CDH18: variants seen among roughly 807,000 people sequenced by gnomAD.
CDH18 encodes cadherin 18.
In CDH18, 31 loss-of-function variants were observed where a neutral mutation model predicts 67.9. The ratio of observed to expected loss-of-function variants is 0.46; its 90% CI spans 0.34 to 0.62. The LOEUF (loss-of-function observed/expected upper bound fraction) is 0.62. Ranked by LOEUF, CDH18 falls within the 20% of genes least tolerant of loss-of-function variation. The probability of loss-of-function intolerance (pLI) is 0.01; values close to 1 mark genes in which losing one functional copy is unlikely to be tolerated. For synonymous variants in CDH18, 362 were observed against 347.2 expected, an observed-to-expected ratio of 1.04 and a Z score of -0.48; for missense variants, 890 against 975.5, an observed-to-expected ratio of 0.91 and a Z score of 1.17.
At chr5:19,481,748 C>T (rs1330922244) in intron 12 of CDH18, among the ~76,000 whole-genome samples, 1 of 152,116 alleles carries the variant, frequency 6.6e-6, no homozygotes, top group African/African-American at 2.4e-5. Context: ...TCTTCAACCC[C>T]AGGAACAAAA....
At chr5:20,416,020 G>T (rs79887808) in intron 1 of CDH18, among the ~76,000 whole-genome samples, 2,349 of 152,198 alleles carry the variant, frequency 0.015, 18 homozygotes, top group Middle Eastern at 0.024. Flanking sequence ...CAATGAGTAT[G>T]ATGTTTCAGT....
In CDH18 at chr5:20,463,931, G is replaced by A. The variant is rs559052615; in HGVS notation, c.-580+111531C>T. On this transcript the variant is annotated intron_variant, in intron 1 of 14. Transcript: ENST00000507958. ...AGCCAGAGGACATGCTGATAGGTAGGGGAGAAAATATGAGTGAATCAGAGA... is the reference window on the plus strand; with the variant it reads ...AGCCAGAGGACATGCTGATAGGTAGAGGAGAAAATATGAGTGAATCAGAGA... Among the ~76,000 whole-genome samples, 10 of 152,202 alleles carry A rather than the reference G, an allele frequency of 6.6e-5. No individual in the cohort carries two copies. In the South Asian group the frequency reaches 2.1e-3, roughly 32 times the overall value.
At chr5:20,571,466 T>TTATATTACCAAA (rs1204855187) in intron 1 of CDH18, among the ~76,000 whole-genome samples, 5 of 152,110 alleles carry the variant, frequency 3.3e-5, no homozygotes, top group Admixed American at 3.3e-4. Flanking sequence ...GCTTAATAAT[T>TTATATTACCAAA]TATATTACCA....
chr5:19,878,678 A>G (rs1330791238), intron 2 of CDH18, among the ~76,000 whole-genome samples: 2 of 152,098 alleles, frequency 1.3e-5, no homozygotes, highest in Non-Finnish European at 2.9e-5. Context: ...TTATCCATGA[A>G]AAAAAATCAA....
intron 9 of CDH18, among the ~76,000 whole-genome samples, chr5:19,542,106 A>G (rs1471109999): frequency 6.6e-6 from 1 of 152,162 alleles, no homozygotes; most frequent in Non-Finnish European, 1.5e-5. Flanking sequence ...AACTAATTCA[A>G]ATGGAAGCCA....
chr5:20,408,869 GA>G (rs1477025368), intron 1 of CDH18, among the ~76,000 whole-genome samples: 5 of 151,574 alleles, frequency 3.3e-5, no homozygotes, highest in East Asian at 3.9e-4. Context: ...TAATGAGATG[GA>G]AAAAATATTT....
intron 2 of CDH18, among the ~76,000 whole-genome samples, chr5:20,151,345 T>C (rs1460902766): frequency 1.3e-5 from 2 of 152,158 alleles, no homozygotes; most frequent in Non-Finnish European, 2.9e-5. Flanking sequence ...CTGCATGGTA[T>C]TCCATGGTGT....
intron 1 of CDH18, among the ~76,000 whole-genome samples, chr5:20,505,866 C>G (rs1355079644): frequency 6.6e-6 from 1 of 152,194 alleles, no homozygotes; most frequent in East Asian, 1.9e-4. Flanking sequence ...ATGCATTGGA[C>G]TTGCAGAGCA....
At chr5:20,002,381 C>T (rs974105940) in intron 2 of CDH18, among the ~76,000 whole-genome samples, 1 of 152,116 alleles carries the variant, frequency 6.6e-6, no homozygotes, top group Admixed American at 6.6e-5. Context: ...TTAGCTTTGC[C>T]ACTTATTTGG....
chr5:20,400,427 G>A (rs1452074480), intron 1 of CDH18, among the ~76,000 whole-genome samples: 1 of 151,986 alleles, frequency 6.6e-6, no homozygotes, highest in South Asian at 2.1e-4. Flanking sequence ...GCAGTGAGCC[G>A]AGATTGTTCC....
At chr5:20,172,928 T>C (rs1431670291) in intron 2 of CDH18, among the ~76,000 whole-genome samples, 1 of 150,638 alleles carries the variant, frequency 6.6e-6, no homozygotes, top group East Asian at 2.0e-4. Flanking sequence ...AGGCGGAGGT[T>C]GCAGTGAGCC....
At chr5:19,955,697 G>A (rs1384059893) in intron 2 of CDH18, among the ~76,000 whole-genome samples, 5 of 151,874 alleles carry the variant, frequency 3.3e-5, no homozygotes, top group Admixed American at 6.6e-5. Context: ...TAGATAGATA[G>A]CAAAGTTAAA....
At chr5:19,487,133 C>T (rs970931657) in intron 11 of CDH18, among the ~76,000 whole-genome samples, 1 of 152,046 alleles carries the variant, frequency 6.6e-6, no homozygotes, top group Non-Finnish European at 1.5e-5. Flanking sequence ...ATATTAGAGG[C>T]TAGACTTTGG....
At chr5:19,924,010 T>C (rs1015199513) in intron 2 of CDH18, among the ~76,000 whole-genome samples, 6 of 152,216 alleles carry the variant, frequency 3.9e-5, no homozygotes. Context: ...AGTGAAACTA[T>C]GAGACCGGTA....
chr5:20,493,882 T>G (rs2126401330), intron 1 of CDH18, among the ~76,000 whole-genome samples: 1 of 152,030 alleles, frequency 6.6e-6, no homozygotes, highest in Admixed American at 6.6e-5. Flanking sequence ...TATTGTCCAT[T>G]TCCATACTCA....
intron 12 of CDH18, among the ~76,000 whole-genome samples, chr5:19,474,926 G>T (rs906734169): frequency 6.6e-6 from 1 of 151,978 alleles, no homozygotes; most frequent in Non-Finnish European, 1.5e-5. Context: ...TTACTAAATA[G>T]AAATAGTTCC....
rs372768872 is a variant in CDH18, at chr5:19,882,984, T to A, written c.-256-43742A>T. Among the ~76,000 whole-genome samples, 7 of 152,152 alleles carry A rather than the reference T, an allele frequency of 4.6e-5. No individual in the cohort carries two copies. In the East Asian group the frequency reaches 5.8e-4, roughly 13 times the overall value. ...TCAAATTAATAACAAGAATAATATATGCTATTAAATATATTTAGCCCTTTA... is the reference window on the plus strand; with the variant it reads ...TCAAATTAATAACAAGAATAATATAAGCTATTAAATATATTTAGCCCTTTA... On this transcript the variant is annotated intron_variant, in intron 2 of 12. Coordinates refer to ENST00000382275, the MANE Select transcript of CDH18 (RefSeq NM_004934.5).
chr5:19,752,932 C>T (rs1771047645), intron 3 of CDH18, among the ~76,000 whole-genome samples: 1 of 152,142 alleles, frequency 6.6e-6, no homozygotes, highest in African/African-American at 2.4e-5. Flanking sequence ...AGAGAGGCAG[C>T]AATCACTATA....
intron 2 of CDH18, among the ~76,000 whole-genome samples, chr5:19,949,663 A>T (rs993684172): frequency 1.3e-5 from 2 of 152,282 alleles, no homozygotes; most frequent in Non-Finnish European, 2.9e-5. Context: ...ATTATGAAAA[A>T]TTTTTGCTAA....
Sources: allele counts gnomAD v4.1 joint callset (sites outside exome capture counted in the v4.1 genomes callset), GRCh38; gene constraint gnomAD v4.1.1; transcripts MANE v1.5; gene names NCBI Gene and HGNC (gene_info 2026-07-23, HGNC 2026-07-21).